The following SYT9 variants were observed in gnomAD, a reference collection of about 807,000 sequenced individuals.
SYT9 encodes the protein synaptotagmin 9.
SYT9 carries 22 observed loss-of-function variants against 48.4 expected under a neutral mutation model. The observed-to-expected ratio is 0.45, with a 90% CI of 0.32 to 0.65. The LOEUF is 0.65. Among genes scored for constraint, SYT9 ranks in the 30% least tolerant of loss-of-function variants. The pLI is 0.03. For missense variants in SYT9, 577 were observed against 622.0 expected (o/e 0.93, Z 0.77); for synonymous variants, 265 against 245.0 (o/e 1.08, Z -0.76).
At position 7,262,067 on chromosome 11, in the gene SYT9, G is replaced by A. The variant is rs552342364; in HGVS notation, c.145+9736G>A. On this transcript the variant is annotated intron_variant, in intron 1 of 6. Transcript: ENST00000318881. ...TTATAAAGCTGTTGTAATCATGTAG[G>A]TGAAAGATGGTGGTGGCTTGGACCA... is the stretch of plus-strand genomic sequence containing the variant. 3.3e-5 allele frequency among the ~76,000 whole-genome samples: 5 copies of A among 152,248 alleles called. No individual in the cohort carries two copies. In the South Asian group the frequency reaches 8.3e-4, roughly 25 times the overall value.
At chr11:7,283,164 TAC>T (rs1200255879) in intron 1 of SYT9, among the ~76,000 whole-genome samples, 3,352 of 138,222 alleles carry the variant, frequency 0.024, 118 homozygotes, top group African/African-American at 0.085. Flanking sequence ...TATATATATA[TAC>T]ACACACACAC....
intron 6 of SYT9, among the ~76,000 whole-genome samples, chr11:7,462,382 T>G (rs1590046803): frequency 1.4e-5 from 1 of 71,512 alleles, no homozygotes; most frequent in South Asian, 3.6e-4. Context: ...GACCCTTTCA[T>G]TTTTCCATGC....
chr11:7,253,344 A>G (rs983620232), intron 1 of SYT9, among the ~76,000 whole-genome samples: 1 of 152,240 alleles, frequency 6.6e-6, no homozygotes, highest in Non-Finnish European at 1.5e-5. Flanking sequence ...ATTGCTATGT[A>G]TAAATATTGG....
At chr11:7,394,628 CTT>C (rs747301235) in intron 3 of SYT9, among the ~76,000 whole-genome samples, 24 of 152,086 alleles carry the variant, frequency 1.6e-4, no homozygotes, top group Non-Finnish European at 2.6e-4. Flanking sequence ...AGAGAACAAA[CTT>C]TTCATTTCAT....
intron 6 of SYT9, among the ~76,000 whole-genome samples, chr11:7,432,909 G>T (rs1220756544): frequency 2.0e-5 from 3 of 151,938 alleles, no homozygotes; most frequent in Admixed American, 6.6e-5. Flanking sequence ...GTTGTATTTT[G>T]CAATATGGGA....
intron 3 of SYT9, among the ~76,000 whole-genome samples, chr11:7,359,730 C>T (rs1191039695): frequency 7.9e-6 from 1 of 125,852 alleles, no homozygotes; most frequent in African/African-American, 2.7e-5. Context: ...TGTTTGAGTT[C>T]ATTGTAGATT....
At chr11:7,432,348 A>G (rs1183144246) in intron 6 of SYT9, among the ~76,000 whole-genome samples, 2 of 151,796 alleles carry the variant, frequency 1.3e-5, no homozygotes, top group African/African-American at 4.8e-5. Context: ...GGAGTTCGAG[A>G]CCAGCCTGGA....
Position 7,468,511 on chromosome 11 carries a change from C to T in SYT9, c.*1711C>T, listed in dbSNP as rs1265612279. 7.6e-6 allele frequency: 3 copies of T among 392,930 alleles called. No individual in the cohort carries two copies. The highest frequency in any genetic ancestry group is 6.2e-5 in the African/African-American group (3 of 48,522). 24.3% of individuals were successfully genotyped at this position (392,930 alleles called of 1,614,324 possible). A position where few individuals can be genotyped will look rare whatever the true frequency, so the allele number is the denominator to read the frequency against. On this transcript the variant is annotated 3_prime_UTR_variant, in exon 7 of 7. Coordinates refer to ENST00000318881, the MANE Select transcript of SYT9 (RefSeq NM_175733.4). ...AGGTTCCCCTCTGCTCATCCCTCCT[C>T]ATTCAGACATCCTCCACCATACCAG...
In SYT9 at chr11:7,276,103, A is replaced by G. The variant is rs142201335; in HGVS notation, c.145+23772A>G. 3.5e-3 allele frequency among the ~76,000 whole-genome samples: 540 copies of G among 152,172 alleles called. 1 individual carries two copies. Among genetic ancestry groups the G allele is most frequent in the African/African-American group, 0.012 (513 of 41,526 alleles). On this transcript the variant is annotated intron_variant, in intron 1 of 6. Coordinates refer to ENST00000318881, the MANE Select transcript of SYT9 (RefSeq NM_175733.4). ...CCCCAGACTGATTTCTGTATGTTTT[A>G]TCTTCATGGGTGACACCAGTCCCAC...
intron 6 of SYT9, among the ~76,000 whole-genome samples, chr11:7,432,547 CAAAAAAAAAAA>C (rs67650978): frequency 1.5e-3 from 26 of 16,892 alleles, no homozygotes; most frequent in African/African-American, 3.0e-3. Context: ...GACTCCATCT[CAAAAAAAAAAA>C]AAAAAAAAAA....
intron 3 of SYT9, among the ~76,000 whole-genome samples, chr11:7,402,572 A>G (rs931284673): frequency 2.6e-5 from 4 of 152,108 alleles, no homozygotes; most frequent in African/African-American, 9.7e-5. Context: ...AGGACCCTTT[A>G]TCAATGAAAT....
chr11:7,445,211 G>A (rs1847904572), intron 6 of SYT9, among the ~76,000 whole-genome samples: 1 of 152,226 alleles, frequency 6.6e-6, no homozygotes, highest in Non-Finnish European at 1.5e-5. Flanking sequence ...CTTAATGGAT[G>A]CTAGGTAAAC....
At chr11:7,437,107 C>A (rs954951902) in intron 6 of SYT9, among the ~76,000 whole-genome samples, 1 of 152,158 alleles carries the variant, frequency 6.6e-6, no homozygotes, top group Non-Finnish European at 1.5e-5. Context: ...CCAGGCTTTC[C>A]AGTAGCTTAT....
At position 7,346,737 on chromosome 11, in the gene SYT9, A is replaced by G. The variant is rs942534500; in HGVS notation, c.1044+32796A>G. 1.1e-4 allele frequency among the ~76,000 whole-genome samples: 17 copies of G among 152,326 alleles called. No homozygotes were observed. The East Asian group carries it at 2.3e-3, about 21-fold the overall frequency. The stretch of plus-strand genomic sequence containing the variant: ...ATAATTTGCTGGATTTTCCTTGATT[A>G]TGTAATCTGTCTGCTCAATACAGAA... On this transcript the variant is annotated intron_variant, in intron 3 of 6. Transcript: ENST00000318881.
At chr11:7,422,353 T>TA (rs1483011287) in intron 6 of SYT9, among the ~76,000 whole-genome samples, 3 of 152,108 alleles carry the variant, frequency 2.0e-5, no homozygotes, top group Non-Finnish European at 4.4e-5. Context: ...TGCGGGTTCT[T>TA]AAGGATAGTT....
At chr11:7,362,949 CTTTTTTTTTTTTTTTT>C (rs35065184) in intron 3 of SYT9, among the ~76,000 whole-genome samples, 4 of 17,880 alleles carry the variant, frequency 2.2e-4, no homozygotes, top group East Asian at 1.9e-3. Flanking sequence ...ATTTATTGGC[CTTTTTTTTTTTTTTTT>C]TTTTTTTTTT....
chr11:7,242,484 G>A (rs1847749759), intron 1 of SYT9, among the ~76,000 whole-genome samples: 1 of 152,196 alleles, frequency 6.6e-6, no homozygotes, highest in Non-Finnish European at 1.5e-5. Flanking sequence ...GCATAGGGTT[G>A]TTATAGAGAT....
chr11:7,423,053 C>T (rs528745157), intron 6 of SYT9, among the ~76,000 whole-genome samples: 5 of 152,286 alleles, frequency 3.3e-5, no homozygotes, highest in South Asian at 2.1e-4. Context: ...TTGGCCAATA[C>T]AATGGTCATT....
At chr11:7,422,813 A>G (rs1431181445) in intron 6 of SYT9, among the ~76,000 whole-genome samples, 2 of 152,102 alleles carry the variant, frequency 1.3e-5, no homozygotes, top group Non-Finnish European at 2.9e-5. Flanking sequence ...GTGGCAGTAT[A>G]TGCACGTGTT....
Sources: allele counts gnomAD v4.1 joint callset (sites outside exome capture counted in the v4.1 genomes callset), GRCh38; gene constraint gnomAD v4.1.1; transcripts MANE v1.5; gene names NCBI Gene and HGNC (gene_info 2026-07-23, HGNC 2026-07-21).